Variants in MPHOSPH8 observed in about 807,000 individuals in gnomAD.
MPHOSPH8 encodes the protein M-phase phosphoprotein 8.
Under a neutral mutation model 87.3 loss-of-function variants are expected in MPHOSPH8, and 45 were observed. The observed-to-expected ratio is 0.52, with a 90% CI of 0.41 to 0.66. The LOEUF is 0.66. Among genes scored for constraint, MPHOSPH8 ranks in the 30% least tolerant of loss-of-function variants. The pLI is 0.00. For synonymous variants in MPHOSPH8, 366 were observed against 376.9 expected, an observed-to-expected ratio of 0.97 and a Z score of 0.33; for missense variants, 883 against 1,020.2, an observed-to-expected ratio of 0.87 and a Z score of 1.83.
chr13:19,653,415 A>C (rs540199114), intron 5 of MPHOSPH8, among the ~76,000 whole-genome samples: 26 of 152,340 alleles, frequency 1.7e-4, no homozygotes, highest in African/African-American at 5.8e-4. Flanking sequence ...TCTGAAAGTC[A>C]CCAACATCAA....
At position 19,670,102 on chromosome 13, in the gene MPHOSPH8, G is replaced by A. The variant is rs1876039980; in HGVS notation, c.2330-134G>A. 4.8e-6 allele frequency: 5 copies of A among 1,035,208 alleles called. No homozygotes were observed. In the South Asian group the frequency reaches 7.9e-5, roughly 16 times the overall value. 64.1% of individuals were successfully genotyped at this position (1,035,208 alleles called of 1,614,324 possible). A position where few individuals can be genotyped will look rare whatever the true frequency, so the allele number is the denominator to read the frequency against. ...AGCTTTGAGAGGGCCAGCCTCCTCTGAGCCTCCAGGCAGAGTGGGTGATGC... is the reference window on the plus strand; with the variant it reads ...AGCTTTGAGAGGGCCAGCCTCCTCTAAGCCTCCAGGCAGAGTGGGTGATGC... On this transcript the variant is annotated intron_variant, in intron 11 of 13. Transcript: ENST00000361479.
chr13:19,641,480 C>CTTTT (rs869295535), intron 1 of MPHOSPH8, among the ~76,000 whole-genome samples: 6 of 72,258 alleles, frequency 8.3e-5, no homozygotes, highest in Non-Finnish European at 1.5e-4. Flanking sequence ...GTGCCACCAT[C>CTTTT]TTTTTTTTTT....
At chr13:19,658,768 A>G (rs77279798) in intron 5 of MPHOSPH8, among the ~76,000 whole-genome samples, 1,643 of 152,230 alleles carry the variant, frequency 0.011, 27 homozygotes, top group African/African-American at 0.038. Flanking sequence ...CAGCTTACCT[A>G]TTTATCTTTA....
Position 19,663,102 on chromosome 13 carries a change from C to T in MPHOSPH8, c.1995C>T (p.Ser665=). The change falls in exon 9 of 14, where the codon AGC becomes AGT. Residue 665 remains serine, a synonymous_variant. Coordinates refer to ENST00000361479, the MANE Select transcript of MPHOSPH8 (RefSeq NM_017520.4). ...GAGCTTTTGTAAATGTCCAGCAAAGCAATGGTGAGACTGCACTGATGAAGG... is the reference window on the plus strand; with the variant it reads ...GAGCTTTTGTAAATGTCCAGCAAAGTAATGGTGAGACTGCACTGATGAAGG... ...EAGAFVNVQQ[S]NGETALMKAC... 1 of 1,613,732 alleles carries T rather than the reference C, an allele frequency of 6.2e-7. No individual in the cohort carries two copies. The highest frequency in any genetic ancestry group is 2.2e-5 in the East Asian group (1 of 44,892).
chr13:19,669,812 T>A (rs546408917), intron 11 of MPHOSPH8, among the ~76,000 whole-genome samples: 2 of 152,106 alleles, frequency 1.3e-5, no homozygotes, highest in Non-Finnish European at 2.9e-5. Flanking sequence ...GCCTGGCCAA[T>A]TTTTGGTTAT....
At chr13:19,670,645 T>C (rs994324496) in intron 12 of MPHOSPH8, among the ~76,000 whole-genome samples, 3 of 152,192 alleles carry the variant, frequency 2.0e-5, no homozygotes, top group Non-Finnish European at 2.9e-5. Flanking sequence ...AGATTCTTTG[T>C]ACATAATTAC....
At chr13:19,669,082 G>A (rs1348410501) in intron 11 of MPHOSPH8, among the ~76,000 whole-genome samples, 6 of 152,122 alleles carry the variant, frequency 3.9e-5, no homozygotes, top group Non-Finnish European at 1.5e-5. Flanking sequence ...TCCCCATTTT[G>A]TAAATGGTTT....
chr13:19,634,856 T>C (rs553740680), intron 1 of MPHOSPH8, among the ~76,000 whole-genome samples: 2 of 152,278 alleles, frequency 1.3e-5, no homozygotes, highest in East Asian at 3.9e-4. Context: ...CAGTGGTCAT[T>C]CTGTATGTTG....
At chr13:19,669,529 T>TC (rs397699287) in intron 11 of MPHOSPH8, among the ~76,000 whole-genome samples, 3 of 149,924 alleles carry the variant, frequency 2.0e-5, no homozygotes, top group Admixed American at 6.7e-5. Flanking sequence ...TTTTTTTTTT[T>TC]CAGGAGTCTC....
chr13:19,671,879 A>T lies in MPHOSPH8; in HGVS notation c.*4A>T. Reference sequence around the variant, plus strand: ...ATACAGAGTGCAGCTGCAGTGACCAAACAGAAGGGACTGGGCGGAGTTCTC... The same window carrying T: ...ATACAGAGTGCAGCTGCAGTGACCATACAGAAGGGACTGGGCGGAGTTCTC... On this transcript the variant is annotated 3_prime_UTR_variant, in exon 14 of 14. Transcript: ENST00000361479. The T allele has an allele frequency of 6.2e-7, 1 of 1,613,998 alleles. No individual in the cohort carries two copies. Among genetic ancestry groups the T allele is most frequent in the Non-Finnish European group, 8.5e-7 (1 of 1,179,832 alleles).
rs1455100209 is a variant in MPHOSPH8 at position 19,633,670 on chromosome 13, G to A, written c.-79G>A. On this transcript the variant is annotated 5_prime_UTR_variant, in exon 1 of 14. Transcript: ENST00000361479. ...TCCGTTACGCCGCTGATGTGGAGTA[G>A]GGCCGAGCGCGGAACGCGAGGGGCT... is the stretch of plus-strand genomic sequence containing the variant. 1 of 1,480,792 alleles carries A rather than the reference G, an allele frequency of 6.8e-7. No homozygotes were observed. The highest frequency in any genetic ancestry group is 1.4e-5 in the African/African-American group (1 of 71,670). 91.7% of individuals were successfully genotyped at this position (1,480,792 alleles called of 1,614,324 possible). A position where few individuals can be genotyped will look rare whatever the true frequency, so the allele number is the denominator to read the frequency against.
intron 8 of MPHOSPH8, among the ~76,000 whole-genome samples, chr13:19,662,084 AC>A (rs1053430185): frequency 4.6e-5 from 7 of 151,502 alleles, no homozygotes; most frequent in African/African-American, 1.7e-4. Context: ...ACAGGCAGGT[AC>A]CTGCCACCAC....
chr13:19,671,339 A>C (rs759314715), intron 13 of MPHOSPH8, 50 bp downstream of exon 13: 3 of 1,521,446 alleles, frequency 2.0e-6, no homozygotes, highest in Non-Finnish European at 2.7e-6. Context: ...TTGTTGCTCC[A>C]GATTACTTTA....
At chr13:19,669,591 C>G (rs998832798) in intron 11 of MPHOSPH8, among the ~76,000 whole-genome samples, 11 of 151,618 alleles carry the variant, frequency 7.3e-5, no homozygotes, top group Admixed American at 5.9e-4. Context: ...TCACTGCAAC[C>G]TCCGCCTCCT....
At chr13:19,657,408 CT>C (rs113337674) in intron 5 of MPHOSPH8, among the ~76,000 whole-genome samples, 1,913 of 141,660 alleles carry the variant, frequency 0.014, 31 homozygotes, top group African/African-American at 0.041. Context: ...AAAAAAATAG[CT>C]TTTTTTTTTT....
intron 5 of MPHOSPH8, among the ~76,000 whole-genome samples, chr13:19,653,943 G>C (rs1875006476): frequency 6.6e-6 from 1 of 152,156 alleles, no homozygotes; most frequent in Admixed American, 6.5e-5. Flanking sequence ...TAGTGTACGT[G>C]AAAGTGACGA....
chr13:19,669,102 C>T (rs1875978606), intron 11 of MPHOSPH8, among the ~76,000 whole-genome samples: 1 of 152,138 alleles, frequency 6.6e-6, no homozygotes, highest in Admixed American at 6.6e-5. Flanking sequence ...TGTATTCATT[C>T]CTGGAAAATG....
At position 19,648,405 on chromosome 13, in the gene MPHOSPH8, TATC is replaced by T. The variant is rs1874678119; in HGVS notation, c.1219-14_1219-12del. The T allele has an allele frequency of 6.7e-7, 1 of 1,490,054 alleles. No individual in the cohort carries two copies. Among genetic ancestry groups the T allele is most frequent in the East Asian group, 2.4e-5 (1 of 42,232 alleles). The allele number at this position is 1,490,054 out of a possible 1,614,324, so 92.3% of individuals were successfully genotyped here. ...ACTCTTTATCCATTCTTGTTTTGGATATCATGTCATTTTCAGGACAAAGAAACC... is the reference window on the plus strand; with the variant it reads ...ACTCTTTATCCATTCTTGTTTTGGATATGTCATTTTCAGGACAAAGAAACC... On this transcript the variant is annotated splice_polypyrimidine_tract_variant and intron_variant, in intron 3 of 13. Coordinates refer to ENST00000361479, the MANE Select transcript of MPHOSPH8 (RefSeq NM_017520.4).
intron 9 of MPHOSPH8, 138 bp downstream of exon 9, chr13:19,663,264 G>A (rs927684577): frequency 1.3e-6 from 1 of 750,974 alleles, no homozygotes; most frequent in Admixed American, 2.3e-5. Context: ...GCCGCTTGCA[G>A]GGGAGAAGGA....
Sources: gnomAD v4.1 joint callset for allele counts (sites outside exome capture counted in the v4.1 genomes callset) on GRCh38, gnomAD v4.1.1 for gene constraint, MANE v1.5 for transcripts, NCBI Gene and HGNC (gene_info 2026-07-23, HGNC 2026-07-21) for gene names.